The following KCNQ1 variants were observed in gnomAD, a reference collection of about 807,000 sequenced individuals.
KCNQ1 encodes potassium voltage-gated channel subfamily KQT member 1.
Under a neutral mutation model 72.4 loss-of-function variants are expected in KCNQ1, and 49 were observed. The observed-to-expected ratio is 0.68, with a 90% confidence interval of 0.54 to 0.86. The LOEUF (loss-of-function observed/expected upper bound fraction) is 0.86. Among genes scored for constraint, KCNQ1 ranks in the 40% least tolerant of loss-of-function variants. The pLI is 0.00. For synonymous variants in KCNQ1, 450 were observed against 412.6 expected, an observed-to-expected ratio of 1.09 and a Z score of -1.10; for missense variants, 790 against 945.1, an observed-to-expected ratio of 0.84 and a Z score of 2.15.
rs1262083525 is a variant in KCNQ1, at chr11:2,830,524, T to C, written c.1795-17243T>C. On this transcript the variant is annotated intron_variant, in intron 15 of 15. Coordinates refer to ENST00000155840, the MANE Select transcript of KCNQ1 (RefSeq NM_000218.3). The surrounding 1 kb of genome is among the most constrained non-coding windows in gnomAD (Gnocchi z 7.7). ...CCAGTCCCAGTGTCCCAAGAACCTC[T>C]TCCTCCAGCCCCGGGAGCAGGAAGG... Among the ~76,000 whole-genome samples, 1 of 152,060 alleles carries C rather than the reference T, an allele frequency of 6.6e-6. No homozygotes were observed. The highest frequency in any genetic ancestry group is 1.5e-5 in the Non-Finnish European group (1 of 67,980).
In KCNQ1 at chr11:2,479,125, C is replaced by A. The variant is rs980433460; in HGVS notation, c.386+33641C>A. On this transcript the variant is annotated intron_variant, in intron 1 of 15. Transcript: ENST00000155840. The surrounding 1 kb of genome is among the most constrained non-coding windows in gnomAD (Gnocchi z 4.6). ...CCCCTCTGGCTTTGCAGGGTACAGC[C>A]TCCCTCCTGGCTGCTTTCACAGGCT... is the stretch of plus-strand genomic sequence containing the variant. Among the ~76,000 whole-genome samples the A allele has an allele frequency of 2.0e-5, 3 of 152,178 alleles. No homozygotes were observed. The highest frequency in any genetic ancestry group is 6.5e-5 in the Admixed American group (1 of 15,274).
chr11:2,551,214 G>A (rs1306802139), intron 2 of KCNQ1, among the ~76,000 whole-genome samples: 1 of 152,246 alleles, frequency 6.6e-6, no homozygotes, highest in East Asian at 1.9e-4. Context: ...CACCCCCAAA[G>A]TCAAGATCCA....
At position 2,777,091 on chromosome 11, in the gene KCNQ1, T is replaced by A. The variant is rs1846721958; in HGVS notation, c.1732+59T>A. 2.0e-6 allele frequency: 3 copies of A among 1,527,606 alleles called. No homozygotes were observed. In the Admixed American group the frequency reaches 5.1e-5, roughly 26 times the overall value. 94.6% of individuals were successfully genotyped at this position (1,527,606 alleles called of 1,614,324 possible). A position where few individuals can be genotyped will look rare whatever the true frequency, so the allele number is the denominator to read the frequency against. On this transcript the variant is annotated intron_variant, in intron 14 of 15. Coordinates refer to ENST00000155840, the MANE Select transcript of KCNQ1 (RefSeq NM_000218.3). ...AGCCTGCAATGGACTCTCCCGCACC[T>A]CTGCCCTCCTGGCTCTCCCCATGAT...
rs987664068 is a variant in KCNQ1, at chr11:2,734,204, C to T, written c.1515-34640C>T. Among the ~76,000 whole-genome samples the T allele has an allele frequency of 1.3e-5, 2 of 152,184 alleles. No homozygotes were observed. The highest frequency in any genetic ancestry group is 4.8e-5 in the African/African-American group (2 of 41,452). ...GACGTCCAAAGAATAAACGAATGAA[C>T]CATCCAAAGCACAGGCCAGAGGCAG... On this transcript the variant is annotated intron_variant, in intron 11 of 15. Transcript: ENST00000155840. The surrounding 1 kb of genome is among the most constrained non-coding windows in gnomAD (Gnocchi z 7.0).
rs538900375 is a variant in KCNQ1, at chr11:2,547,891, G to A, written c.477+19873G>A. 1.6e-4 allele frequency among the ~76,000 whole-genome samples: 25 copies of A among 152,348 alleles called. No homozygotes were observed. The highest frequency in any genetic ancestry group is 2.6e-4 in the Admixed American group (4 of 15,304). ...GCATTCCTGGCAGAGAGCATGGCAC[G>A]TGCCAAGACCCGGATGGGGCGTGTG... On this transcript the variant is annotated intron_variant, in intron 2 of 15. Coordinates refer to ENST00000155840, the MANE Select transcript of KCNQ1 (RefSeq NM_000218.3). This position sits in a 1 kb window ranked among gnomAD's most constrained non-coding sequence, Gnocchi z 4.2.
intron 10 of KCNQ1, chr11:2,610,868 C>T: frequency 2.5e-6 from 1 of 398,280 alleles, no homozygotes; most frequent in Admixed American, 4.4e-5. Flanking sequence ...CAGAGTGCCA[C>T]ATAGCCTCAC....
intron 7 of KCNQ1, among the ~76,000 whole-genome samples, chr11:2,583,999 T>A (rs1486428266): frequency 1.3e-5 from 2 of 152,144 alleles, no homozygotes; most frequent in Non-Finnish European, 2.9e-5. Context: ...TGTGTGTGTG[T>A]GTTATGTGCG....
Position 2,664,108 on chromosome 11 carries a change from A to G in KCNQ1, c.1514+2027A>G. On this transcript the variant is annotated intron_variant, in intron 11 of 15. Coordinates refer to ENST00000155840, the MANE Select transcript of KCNQ1 (RefSeq NM_000218.3). The surrounding 1 kb of genome is among the most constrained non-coding windows in gnomAD (Gnocchi z 5.1). Reference sequence around the variant, plus strand: ...GGTCAGAGACTCCAGTCATTACCCAACCAGGTCCCTGCCCTGTAACTTACC... The same window carrying G: ...GGTCAGAGACTCCAGTCATTACCCAGCCAGGTCCCTGCCCTGTAACTTACC... 1 of 398,578 alleles carries G rather than the reference A, an allele frequency of 2.5e-6. No homozygotes were observed. The highest frequency in any genetic ancestry group is 2.1e-5 in the African/African-American group (1 of 48,710). The allele number at this position is 398,578 out of a possible 1,614,324, so 24.7% of individuals were successfully genotyped here. A position where few individuals can be genotyped will look rare whatever the true frequency, so the allele number is the denominator to read the frequency against.
chr11:2,683,443 G>A lies in KCNQ1; in HGVS notation c.1514+21362G>A. On this transcript the variant is annotated intron_variant, in intron 11 of 15. Coordinates refer to ENST00000155840, the MANE Select transcript of KCNQ1 (RefSeq NM_000218.3). This position sits in a 1 kb window ranked among gnomAD's most constrained non-coding sequence, Gnocchi z 4.7. ...CCCAGGAATGGGTAACTGGAAAAAT[G>A]TAGGAATTACATATGATTCCATCAA... 2 of 398,650 alleles carry A rather than the reference G, an allele frequency of 5.0e-6. No individual in the cohort carries two copies. Among genetic ancestry groups the A allele is most frequent in the Non-Finnish European group, 8.8e-6 (2 of 226,076 alleles). 24.7% of individuals were successfully genotyped at this position (398,650 alleles called of 1,614,324 possible).
intron 10 of KCNQ1, chr11:2,644,843 C>T: frequency 2.5e-6 from 1 of 398,634 alleles, no homozygotes; most frequent in Non-Finnish European, 4.4e-6. Context: ...GGGAGTTCCT[C>T]TGTAGTTTAG....
intron 1 of KCNQ1, among the ~76,000 whole-genome samples, chr11:2,489,878 G>A (rs1157906831): frequency 6.6e-6 from 1 of 152,188 alleles, no homozygotes; most frequent in Non-Finnish European, 1.5e-5. Flanking sequence ...GTGCCAGGTA[G>A]TATCCTGTGG....
chr11:2,670,705 G>C lies in KCNQ1; in HGVS notation c.1514+8624G>C, dbSNP rs879239826. 3.0e-5 allele frequency: 12 copies of C among 398,532 alleles called. No individual in the cohort carries two copies. Among genetic ancestry groups the C allele is most frequent in the Admixed American group, 2.6e-4 (6 of 22,698 alleles). 24.7% of individuals were successfully genotyped at this position (398,532 alleles called of 1,614,324 possible). On this transcript the variant is annotated intron_variant, in intron 11 of 15. Transcript: ENST00000155840. The surrounding 1 kb of genome is among the most constrained non-coding windows in gnomAD (Gnocchi z 4.9). ...AGTAACAAGACAAAGGGATTCTGTG[G>C]CCCATGGAGCAGGAGGGAACAGTCT... is the stretch of plus-strand genomic sequence containing the variant.
chr11:2,792,018 C>A (rs987374668), intron 15 of KCNQ1, among the ~76,000 whole-genome samples: 1 of 152,304 alleles, frequency 6.6e-6, no homozygotes, highest in South Asian at 2.1e-4. Context: ...GGGGCCGAGG[C>A]GCGCTGGGCT....
At position 2,826,028 on chromosome 11, in the gene KCNQ1, C is replaced by T. The variant is rs939699006; in HGVS notation, c.1795-21739C>T. ...CTCGTCCTCCCCGCCATCCTGGAAA[C>T]GATTTTGTTGTCTGCAGAGATTATG... On this transcript the variant is annotated intron_variant, in intron 15 of 15. Transcript: ENST00000155840. The surrounding 1 kb of genome is among the most constrained non-coding windows in gnomAD (Gnocchi z 4.2). Among the ~76,000 whole-genome samples the T allele has an allele frequency of 2.6e-5, 4 of 152,272 alleles. No individual in the cohort carries two copies. Among genetic ancestry groups the T allele is most frequent in the Admixed American group, 2.0e-4 (3 of 15,302 alleles).
rs1173077775 is a variant in KCNQ1, at chr11:2,674,243, G to A, written c.1514+12162G>A. ...GGCCCAGATAGATGTGAGCAGAGCT[G>A]GAGGCCCCTCTCTCCCAGCCCCCGG... On this transcript the variant is annotated intron_variant, in intron 11 of 15. Coordinates refer to ENST00000155840, the MANE Select transcript of KCNQ1 (RefSeq NM_000218.3). The surrounding 1 kb of genome is among the most constrained non-coding windows in gnomAD (Gnocchi z 5.9). 4 of 398,604 alleles carry A rather than the reference G, an allele frequency of 1.0e-5. No individual in the cohort carries two copies. The highest frequency in any genetic ancestry group is 1.8e-5 in the Non-Finnish European group (4 of 226,168). 24.7% of individuals were successfully genotyped at this position (398,604 alleles called of 1,614,324 possible). A position where few individuals can be genotyped will look rare whatever the true frequency, so the allele number is the denominator to read the frequency against.
At chr11:2,618,746 T>A (rs1279401480) in intron 10 of KCNQ1, 1 of 398,432 alleles carries the variant, frequency 2.5e-6, no homozygotes, top group Non-Finnish European at 4.4e-6. Context: ...TGATAGGGAT[T>A]TTATTCAATC....
intron 2 of KCNQ1, among the ~76,000 whole-genome samples, chr11:2,556,627 G>T (rs1589948603): frequency 1.3e-5 from 2 of 152,340 alleles, no homozygotes; most frequent in East Asian, 3.9e-4. Flanking sequence ...GTCAAGCCCT[G>T]TTCTAAACTA....
At position 2,663,117 on chromosome 11, in the gene KCNQ1, G is replaced by T. The variant is rs1196217564; in HGVS notation, c.1514+1036G>T. The T allele has an allele frequency of 2.5e-6, 1 of 398,688 alleles. No individual in the cohort carries two copies. Among genetic ancestry groups the T allele is most frequent in the Non-Finnish European group, 4.4e-6 (1 of 226,140 alleles). 24.7% of individuals were successfully genotyped at this position (398,688 alleles called of 1,614,324 possible). On this transcript the variant is annotated intron_variant, in intron 11 of 15. Transcript: ENST00000155840. This position sits in a 1 kb window ranked among gnomAD's most constrained non-coding sequence, Gnocchi z 5.2. Reference sequence around the variant, plus strand: ...CAGGGAAGGAGTGGCTATCTTAAGGGGTAATTATGATCAGACAGGACCTGC... The same window carrying T: ...CAGGGAAGGAGTGGCTATCTTAAGGTGTAATTATGATCAGACAGGACCTGC...
At chr11:2,496,349 A>G (rs1374444677) in intron 1 of KCNQ1, among the ~76,000 whole-genome samples, 1 of 152,028 alleles carries the variant, frequency 6.6e-6, no homozygotes, top group African/African-American at 2.4e-5. Flanking sequence ...AGGCAGGAGA[A>G]TGGCGTGAAC....
Sources: gnomAD v4.1 joint callset for allele counts (sites outside exome capture counted in the v4.1 genomes callset) on GRCh38, gnomAD v4.1.1 for gene constraint, Gnocchi (gnomAD v3.1) non-coding constraint, MANE v1.5 for transcripts, NCBI Gene and HGNC (gene_info 2026-07-23, HGNC 2026-07-21) for gene names.